DMD: variants seen among roughly 807,000 people sequenced by gnomAD.
DMD encodes the protein mutant dystrophin.
A neutral mutation model predicts 330.1 loss-of-function variants in DMD; 63 were observed. The ratio of observed to expected loss-of-function variants is 0.19; its 90% CI spans 0.16 to 0.24. The LOEUF (loss-of-function observed/expected upper bound fraction) is 0.24, where lower values mean the gene tolerates loss of function less well. DMD is among the 10% of genes least tolerant of loss of function. The pLI is 1.00. For missense variants in DMD, 3,344 were observed against 2,684.1 expected (o/e 1.25, Z -5.43); for synonymous variants, 1,223 against 959.8 (o/e 1.27, Z -5.07).
intron 53 of DMD, among the ~76,000 whole-genome samples, chrX:31,671,884 T>C (rs1038635890): frequency 1.2e-4 from 13 of 111,629 alleles, no homozygotes; most frequent in African/African-American, 4.2e-4. Context: ...TTTTCTATTA[T>C]ATTTTCTTCC....
intron 1 of DMD, among the ~76,000 whole-genome samples, chrX:33,242,398 T>C (rs2052601175): frequency 8.9e-6 from 1 of 112,008 alleles, no homozygotes; most frequent in Non-Finnish European, 1.9e-5. Flanking sequence ...CTTAGAATAA[T>C]AGTCTCCAAT....
intron 44 of DMD, among the ~76,000 whole-genome samples, chrX:31,990,030 G>GA (rs1392285628): frequency 9.0e-5 from 10 of 111,541 alleles, no homozygotes; most frequent in African/African-American, 3.3e-4. Context: ...AACATTCATA[G>GA]AAAAAACTGT....
chrX:31,874,225 T>C (rs750699135), intron 48 of DMD, among the ~76,000 whole-genome samples: 13 of 111,521 alleles, frequency 1.2e-4, no homozygotes, highest in African/African-American at 4.2e-4. Context: ...AGAAGTCATT[T>C]AAAGAAGAGA....
intron 2 of DMD, among the ~76,000 whole-genome samples, chrX:32,933,127 T>C (rs1276969633): frequency 9.2e-6 from 1 of 108,782 alleles, no homozygotes; most frequent in Admixed American, 9.9e-5. Flanking sequence ...TATTTTCCCG[T>C]TTTGATAAGA....
intron 45 of DMD, among the ~76,000 whole-genome samples, chrX:31,938,437 G>T (rs1003920339): frequency 8.9e-6 from 1 of 111,819 alleles, no homozygotes; most frequent in Admixed American, 9.5e-5. Context: ...TCATTAATTT[G>T]ATTGTGTGTA....
intron 44 of DMD, among the ~76,000 whole-genome samples, chrX:32,127,130 T>C (rs2096665304): frequency 8.9e-6 from 1 of 111,765 alleles, no homozygotes. Context: ...AACTCTAGTA[T>C]GGTTTCTAGC....
intron 2 of DMD, among the ~76,000 whole-genome samples, chrX:32,854,798 A>G (rs998876433): frequency 9.0e-6 from 1 of 111,563 alleles, no homozygotes; most frequent in African/African-American, 3.3e-5. Context: ...CTATTGTGAA[A>G]AAGAGGAGGA....
chrX:33,180,213 G>A (rs775180862), intron 1 of DMD, among the ~76,000 whole-genome samples: 8 of 111,663 alleles, frequency 7.2e-5, no homozygotes, highest in South Asian at 3.7e-4. Flanking sequence ...TTTAAATAAC[G>A]AACAAACCTC....
intron 1 of DMD, among the ~76,000 whole-genome samples, chrX:33,334,567 G>C (rs1401531882): frequency 1.8e-5 from 2 of 110,917 alleles, no homozygotes; most frequent in Non-Finnish European, 1.9e-5. Context: ...GGGTGTGGCT[G>C]TCTTCCAAAT....
Position 31,126,638 on chromosome X carries a change from T to C in DMD, c.11046+4A>G. ...CCATGGCCGTGAGCCTGAATCTCAC[T>C]AACCTCTCTCATTGGCTTTCCAGGG... On this transcript the variant is annotated splice_donor_region_variant and intron_variant, in intron 78 of 78. Coordinates refer to ENST00000357033, the MANE Select transcript of DMD (RefSeq NM_004006.3). 2 of 1,199,509 alleles carry C rather than the reference T, an allele frequency of 1.7e-6. No homozygotes were observed. The highest frequency in any genetic ancestry group is 2.3e-6 in the Non-Finnish European group (2 of 884,789).
chrX:33,244,048 A>T (rs2052629235), intron 1 of DMD, among the ~76,000 whole-genome samples: 1 of 112,326 alleles, frequency 8.9e-6, no homozygotes, highest in Admixed American at 9.5e-5. Context: ...ACATTATGTC[A>T]TCGGCACACA....
Position 31,223,105 on chromosome X carries a change from G to T in DMD, c.9303C>A (p.Val3101=). The change falls in exon 64 of 79, where the codon GTC becomes GTA. Residue 3101 remains valine (V), a synonymous_variant. Transcript: ENST00000357033. The stretch of plus-strand genomic sequence containing the variant: ...TGGCAGTCCTATAAGCTGAGAATCT[G>T]ACATTATTCAGGTCAGCTGAAAAGA... ...LYQSLADLNN[V]RFSAYRTAMK... 4.1e-6 allele frequency: 5 copies of T among 1,210,362 alleles called. No homozygotes were observed. Among genetic ancestry groups the T allele is most frequent in the Non-Finnish European group, 5.6e-6 (5 of 894,307 alleles).
chrX:32,233,973 A>G (rs1281515211), intron 43 of DMD, among the ~76,000 whole-genome samples: 1 of 111,045 alleles, frequency 9.0e-6, no homozygotes. Context: ...AATTGTATAT[A>G]TATGTAAGCT....
In DMD at chrX:31,474,379, G is replaced by T. The variant is rs765552105; in HGVS notation, c.8937+3727C>A. Among the ~76,000 whole-genome samples the T allele has an allele frequency of 3.6e-5, 4 of 110,561 alleles. No homozygotes were observed. The South Asian group carries it at 1.5e-3, about 42-fold the overall frequency. Reference sequence around the variant, plus strand: ...GGGGGTACTATGATAGAGTGTCTAGGGGTAAGGAAAATGAACTGATATGGA... The same window carrying T: ...GGGGGTACTATGATAGAGTGTCTAGTGGTAAGGAAAATGAACTGATATGGA... On this transcript the variant is annotated intron_variant, in intron 59 of 78. Coordinates refer to ENST00000357033, the MANE Select transcript of DMD (RefSeq NM_004006.3).
At chrX:32,584,244 C>A (rs1318054339) in intron 13 of DMD, among the ~76,000 whole-genome samples, 1 of 111,399 alleles carries the variant, frequency 9.0e-6, no homozygotes, top group Non-Finnish European at 1.9e-5. Context: ...ATTATAAAGT[C>A]ACCAGAAAGG....
At chrX:31,323,032 C>T (rs908731632) in intron 62 of DMD, among the ~76,000 whole-genome samples, 2 of 111,796 alleles carry the variant, frequency 1.8e-5, no homozygotes, top group African/African-American at 6.5e-5. Context: ...CTTCCAAGCA[C>T]TCGTATTCTT....
intron 60 of DMD, among the ~76,000 whole-genome samples, chrX:31,425,009 T>C (rs1235909460): frequency 8.9e-6 from 1 of 112,337 alleles, no homozygotes; most frequent in Non-Finnish European, 1.9e-5. Context: ...GACACACCAC[T>C]ATATATAGTT....
intron 2 of DMD, among the ~76,000 whole-genome samples, chrX:32,865,280 C>T (rs980662228): frequency 5.4e-5 from 6 of 111,007 alleles, no homozygotes; most frequent in Admixed American, 1.9e-4. Context: ...TACATTTAAG[C>T]GAATATAATT....
intron 55 of DMD, among the ~76,000 whole-genome samples, chrX:31,621,665 A>G (rs887993534): frequency 9.8e-5 from 11 of 112,118 alleles, no homozygotes; most frequent in Non-Finnish European, 2.1e-4. Context: ...ATTGGGACTC[A>G]GAGGTCAGAC....
Sources: gnomAD v4.1 joint callset for allele counts (sites outside exome capture counted in the v4.1 genomes callset) on GRCh38, gnomAD v4.1.1 for gene constraint, MANE v1.5 for transcripts, NCBI Gene and HGNC (gene_info 2026-07-23, HGNC 2026-07-21) for gene names.